PDS5A: variants seen among roughly 807,000 people sequenced by gnomAD.
PDS5A encodes the protein sister chromatid cohesion protein PDS5 homolog A.
Under a neutral mutation model 167.1 loss-of-function variants are expected in PDS5A, and 42 were observed. The ratio of observed to expected loss-of-function variants is 0.25; its 90% CI spans 0.20 to 0.33. The LOEUF is 0.33. Among genes scored for constraint, PDS5A ranks in the 10% least tolerant of loss-of-function variants. The pLI is 1.00. For missense variants in PDS5A, 1,033 were observed against 1,605.9 expected, an observed-to-expected ratio of 0.64 and a Z score of 6.10; for synonymous variants, 553 against 554.6, an observed-to-expected ratio of 1.00 and a Z score of 0.04.
chr4:39,916,934 G>A (rs1285368117), intron 8 of PDS5A, 114 bp downstream of exon 8: 7 of 495,674 alleles, frequency 1.4e-5, no homozygotes, highest in African/African-American at 4.1e-5. Flanking sequence ...AAAATTATGC[G>A]GTATACATTT....
chr4:39,973,096 C>T, intron 2 of PDS5A: 1 of 750,178 alleles, frequency 1.3e-6, no homozygotes, highest in Non-Finnish European at 2.4e-6. Context: ...TTTGGTGAAG[C>T]ACAAGTTTCT....
intron 7 of PDS5A, among the ~76,000 whole-genome samples, chr4:39,917,393 T>G (rs1174103168): frequency 6.6e-6 from 1 of 152,114 alleles, no homozygotes; most frequent in African/African-American, 2.4e-5. Context: ...TAATATCAAA[T>G]CATGAATGTT....
intron 17 of PDS5A, among the ~76,000 whole-genome samples, chr4:39,881,533 T>C (rs1720930030): frequency 6.6e-6 from 1 of 152,150 alleles, no homozygotes; most frequent in Admixed American, 6.5e-5. Context: ...GCTGTATATG[T>C]GTATAAACAT....
rs527697058 is a variant in PDS5A, at chr4:39,977,382, C to G, written c.-41+75G>C. On this transcript the variant is annotated intron_variant, in intron 1 of 32. Transcript: ENST00000303538. This position sits in a 1 kb window ranked among gnomAD's most constrained non-coding sequence, Gnocchi z 4.2. ...CCCCACCGGGCCTCGGACCCGCGGC[C>G]CCCCCCTCCAGTCTCCCCTTCCGTC... 5 of 130,532 alleles carry G rather than the reference C, an allele frequency of 3.8e-5. No individual in the cohort carries two copies. Among genetic ancestry groups the G allele is most frequent in the African/African-American group, 1.3e-4 (5 of 38,420 alleles). 8.1% of individuals were successfully genotyped at this position (130,532 alleles called of 1,614,324 possible). A position where few individuals can be genotyped will look rare whatever the true frequency, so the allele number is the denominator to read the frequency against.
In PDS5A at chr4:39,975,130, T is replaced by G. The variant is rs542620471; in HGVS notation, c.138+1310A>C. Among the ~76,000 whole-genome samples the G allele has an allele frequency of 2.7e-5, 4 of 147,272 alleles. No homozygotes were observed. In the East Asian group the frequency reaches 8.7e-4, roughly 32 times the overall value. On this transcript the variant is annotated intron_variant, in intron 2 of 32. Transcript: ENST00000303538. ...TCAAAAAAAAAAAAAAAAAAAAAATTTAGCCGGGTGTGGTGGCACACGCTG... is the reference window on the plus strand; with the variant it reads ...TCAAAAAAAAAAAAAAAAAAAAAATGTAGCCGGGTGTGGTGGCACACGCTG...
chr4:39,913,787 TTGAAAC>T, intron 8 of PDS5A, 61 bp from the exon 9 acceptor site: 2 of 883,696 alleles, frequency 2.3e-6, no homozygotes, highest in Admixed American at 3.5e-5. Context: ...AGAAAATATC[TTGAAAC>T]ATTCTCAAGA....
chr4:39,954,421 C>T (rs905224865), intron 2 of PDS5A, among the ~76,000 whole-genome samples: 8 of 151,864 alleles, frequency 5.3e-5, no homozygotes, highest in African/African-American at 1.2e-4. Flanking sequence ...CAGGTTCAAG[C>T]GAGTCTCCTG....
rs1729198404 is a variant in PDS5A at position 39,958,703 on chromosome 4, C to T, written c.138+17737G>A. On this transcript the variant is annotated intron_variant, in intron 2 of 32. Transcript: ENST00000303538. ...AATCTCTGCTCACTGCAACCTCTGTCTCGTGAGTTCAAACTATTCTTGTGC... is the reference window on the plus strand; with the variant it reads ...AATCTCTGCTCACTGCAACCTCTGTTTCGTGAGTTCAAACTATTCTTGTGC... Among the ~76,000 whole-genome samples, 3 of 151,388 alleles carry T rather than the reference C, an allele frequency of 2.0e-5. No homozygotes were observed. The South Asian group carries it at 6.2e-4, about 31-fold the overall frequency.
intron 2 of PDS5A, among the ~76,000 whole-genome samples, chr4:39,968,106 ATAAGTG>A (rs1730157429): frequency 6.6e-6 from 1 of 152,190 alleles, no homozygotes; most frequent in Non-Finnish European, 1.5e-5. Context: ...ACAGCTATTT[ATAAGTG>A]TATTTTATTT....
At chr4:39,860,978 T>C (rs12108291) in intron 26 of PDS5A, among the ~76,000 whole-genome samples, 5,661 of 150,596 alleles carry the variant, frequency 0.038, 327 homozygotes, top group African/African-American at 0.13. Flanking sequence ...AGGTAGGAGA[T>C]TGCTTTAGCC....
intron 16 of PDS5A, among the ~76,000 whole-genome samples, chr4:39,892,613 G>A (rs903146578): frequency 6.6e-6 from 1 of 152,164 alleles, no homozygotes. Context: ...GTCAGCCTCT[G>A]TCACTTATTC....
chr4:39,857,598 T>C (rs1718644164), intron 26 of PDS5A, among the ~76,000 whole-genome samples: 1 of 152,016 alleles, frequency 6.6e-6, no homozygotes, highest in Non-Finnish European at 1.5e-5. Flanking sequence ...ATAAGAGAGA[T>C]AAGTGGCTAT....
rs116038206 is a variant in PDS5A, at chr4:39,879,459, G to A, written c.1992+269C>T. 4.4e-3 allele frequency among the ~76,000 whole-genome samples: 674 copies of A among 152,154 alleles called. 2 individuals carry two copies. The highest frequency in any genetic ancestry group is 9.9e-3 in the Admixed American group (151 of 15,280). ...TAAAGTCACATCTTGCTATTACTAA[G>A]TTAAGAATAGATTGTACAGTAATCA... is the stretch of plus-strand genomic sequence containing the variant. On this transcript the variant is annotated intron_variant, in intron 18 of 32. Coordinates refer to ENST00000303538, the MANE Select transcript of PDS5A (RefSeq NM_001100399.2).
chr4:39,963,402 T>C (rs981960314), intron 2 of PDS5A, among the ~76,000 whole-genome samples: 5 of 151,832 alleles, frequency 3.3e-5, no homozygotes, highest in African/African-American at 9.7e-5. Context: ...GAGGTTGCAG[T>C]AAGCCGAGAT....
chr4:39,844,454 G>A (rs1383040974), intron 30 of PDS5A, among the ~76,000 whole-genome samples: 4 of 148,328 alleles, frequency 2.7e-5, no homozygotes, highest in Admixed American at 6.8e-5. Context: ...TAGCCTGGGC[G>A]GGGACAAGAG....
At chr4:39,892,843 C>A (rs995696729) in intron 16 of PDS5A, among the ~76,000 whole-genome samples, 1 of 152,136 alleles carries the variant, frequency 6.6e-6, no homozygotes, top group African/African-American at 2.4e-5. Flanking sequence ...TACATCATAA[C>A]CTATTTTAAA....
chr4:39,848,104 C>T (rs1334491179), intron 28 of PDS5A: 2 of 152,200 alleles, frequency 1.3e-5, no homozygotes, highest in Non-Finnish European at 2.9e-5. Flanking sequence ...CATCTCTCCA[C>T]CTCAATTTCT....
At chr4:39,852,591 A>G (rs556951880) in intron 26 of PDS5A, among the ~76,000 whole-genome samples, 4 of 152,308 alleles carry the variant, frequency 2.6e-5, no homozygotes, top group African/African-American at 9.6e-5. Flanking sequence ...CCTAAAAGTT[A>G]TAACTGCTCA....
chr4:39,922,170 TTTC>T (rs1247807749), intron 6 of PDS5A, among the ~76,000 whole-genome samples: 3 of 152,186 alleles, frequency 2.0e-5, no homozygotes, highest in Non-Finnish European at 2.9e-5. Context: ...GAATCATCCT[TTTC>T]TTCTTAACAT....
Sources: gnomAD v4.1 joint callset for allele counts (sites outside exome capture counted in the v4.1 genomes callset) on GRCh38, gnomAD v4.1.1 for gene constraint, Gnocchi (gnomAD v3.1) non-coding constraint, MANE v1.5 for transcripts, NCBI Gene and HGNC (gene_info 2026-07-23, HGNC 2026-07-21) for gene names.